LPP: variants seen among roughly 807,000 people sequenced by gnomAD.
The protein encoded by LPP is lipoma-preferred partner.
LPP carries 38 observed loss-of-function variants against 60.4 expected under a neutral mutation model. The observed-to-expected ratio is 0.63, with a 90% CI of 0.49 to 0.83. LPP has a LOEUF of 0.83. Ranked by LOEUF, LPP falls within the 40% of genes least tolerant of loss-of-function variation. The pLI, the probability that LPP is intolerant of heterozygous loss-of-function variation, is 0.00. For missense variants in LPP, 902 were observed against 783.6 expected, an observed-to-expected ratio of 1.15 and a Z score of -1.80; for synonymous variants, 328 against 290.8, an observed-to-expected ratio of 1.13 and a Z score of -1.30.
intron 7 of LPP, among the ~76,000 whole-genome samples, chr3:188,623,318 C>T (rs191543379): frequency 6.1e-5 from 9 of 147,682 alleles, no homozygotes; most frequent in Non-Finnish European, 1.2e-4. Context: ...GGTGCAGTGG[C>T]ACAATCTCAG....
At chr3:188,721,395 T>C (rs761676280) in intron 8 of LPP, among the ~76,000 whole-genome samples, 4 of 151,704 alleles carry the variant, frequency 2.6e-5, no homozygotes, top group Non-Finnish European at 5.9e-5. Flanking sequence ...CTACAAAAAA[T>C]GAAAAAAATA....
At chr3:188,493,145 A>T (rs1296206505) in intron 5 of LPP, among the ~76,000 whole-genome samples, 1 of 152,212 alleles carries the variant, frequency 6.6e-6, no homozygotes, top group Non-Finnish European at 1.5e-5. Context: ...TTGTATATCT[A>T]AAATGAGTTG....
intron 6 of LPP, among the ~76,000 whole-genome samples, chr3:188,579,057 A>G (rs1165048897): frequency 6.6e-6 from 1 of 152,188 alleles, no homozygotes; most frequent in Non-Finnish European, 1.5e-5. Flanking sequence ...GTGGGAGACT[A>G]AAAATAAACT....
intron 6 of LPP, among the ~76,000 whole-genome samples, chr3:188,565,561 T>C (rs1831934947): frequency 6.6e-6 from 1 of 152,008 alleles, no homozygotes; most frequent in African/African-American, 2.4e-5. Context: ...CGTGAGATAC[T>C]ATTAGACTTT....
intron 8 of LPP, among the ~76,000 whole-genome samples, chr3:188,718,206 C>A (rs933597143): frequency 6.6e-6 from 1 of 152,138 alleles, no homozygotes; most frequent in African/African-American, 2.4e-5. Flanking sequence ...CTAGGAAAAT[C>A]CTTCATTTTC....
In LPP at chr3:188,406,457, C is replaced by A. The variant is rs890924202; in HGVS notation, c.193+144C>A. ...ATAGGCTACTAAAAGTAAAGGAGCC[C>A]CCGGAAATAGTCTAGACCAACCCCG... is the stretch of plus-strand genomic sequence containing the variant. On this transcript the variant is annotated intron_variant, in intron 4 of 11. Transcript: ENST00000617246. 4.0e-6 allele frequency: 3 copies of A among 744,236 alleles called. No individual in the cohort carries two copies. The African/African-American group carries it at 5.3e-5, about 13-fold the overall frequency. The allele number at this position is 744,236 out of a possible 1,614,324, so 46.1% of individuals were successfully genotyped here. A position where few individuals can be genotyped will look rare whatever the true frequency, so the allele number is the denominator to read the frequency against.
chr3:188,698,025 TTGATAG>T (rs1277746478), intron 7 of LPP, among the ~76,000 whole-genome samples: 1 of 152,210 alleles, frequency 6.6e-6, no homozygotes, highest in Non-Finnish European at 1.5e-5. Context: ...TGCCGTCTTT[TTGATAG>T]TGCTTTATTA....
At chr3:188,300,383 T>C (rs1255174937) in intron 2 of LPP, among the ~76,000 whole-genome samples, 2 of 152,242 alleles carry the variant, frequency 1.3e-5, no homozygotes, top group African/African-American at 4.8e-5. Context: ...GTGACTATTG[T>C]TTCCATAATT....
At chr3:188,792,598 G>GT (rs58093167) in intron 9 of LPP, among the ~76,000 whole-genome samples, 2,342 of 152,184 alleles carry the variant, frequency 0.015, 61 homozygotes, top group African/African-American at 0.052. Context: ...AAAGCCCACA[G>GT]TTTTTTTGTT....
chr3:188,785,751 G>T lies in LPP; in HGVS notation c.1410+25469G>T, dbSNP rs116218497. Among the ~76,000 whole-genome samples, 1,244 of 151,770 alleles carry T rather than the reference G, an allele frequency of 8.2e-3. 16 individuals carry two copies. Among genetic ancestry groups the T allele is most frequent in the African/African-American group, 0.029 (1,181 of 41,370 alleles). ...TAGTGGGATTGCTGGATTAAATGGT[G>T]GTTCTACTTTTAGTTCATTAAGGAA... On this transcript the variant is annotated intron_variant, in intron 9 of 11. Coordinates refer to ENST00000617246, the MANE Select transcript of LPP (RefSeq NM_001375462.1).
At chr3:188,729,261 G>C (rs1462402007) in intron 8 of LPP, among the ~76,000 whole-genome samples, 1 of 152,208 alleles carries the variant, frequency 6.6e-6, no homozygotes, top group Non-Finnish European at 1.5e-5. Flanking sequence ...TGAGTTGAGG[G>C]ACAAGTAGTG....
At chr3:188,240,904 G>C (rs1053984176) in intron 2 of LPP, among the ~76,000 whole-genome samples, 1 of 152,172 alleles carries the variant, frequency 6.6e-6, no homozygotes, top group African/African-American at 2.4e-5. Context: ...CGTGTGGAGA[G>C]CAAGGCCAGT....
chr3:188,331,576 C>A (rs1016265905), intron 2 of LPP, among the ~76,000 whole-genome samples: 5 of 152,114 alleles, frequency 3.3e-5, no homozygotes, highest in Admixed American at 2.6e-4. Context: ...AGCTCTAATT[C>A]CCCCATCTGC....
At chr3:188,351,623 A>G (rs1207638602) in intron 3 of LPP, among the ~76,000 whole-genome samples, 2 of 152,334 alleles carry the variant, frequency 1.3e-5, no homozygotes, top group Admixed American at 1.3e-4. Context: ...AGTCATCAAA[A>G]GCTAGAATTC....
intron 2 of LPP, among the ~76,000 whole-genome samples, chr3:188,289,627 C>T (rs966069083): frequency 6.6e-6 from 1 of 152,058 alleles, no homozygotes; most frequent in Non-Finnish European, 1.5e-5. Context: ...GCTGTGGTCT[C>T]CCTGTAAACA....
At chr3:188,773,840 AG>A (rs1372717292) in intron 9 of LPP, among the ~76,000 whole-genome samples, 1 of 152,060 alleles carries the variant, frequency 6.6e-6, no homozygotes, top group Non-Finnish European at 1.5e-5. Context: ...AACTAGTGGA[AG>A]GGGGCATAGG....
At chr3:188,437,455 T>G (rs1792615379) in intron 4 of LPP, among the ~76,000 whole-genome samples, 1 of 152,212 alleles carries the variant, frequency 6.6e-6, no homozygotes. Flanking sequence ...TCCACACACT[T>G]AAATATGTAC....
At chr3:188,785,905 AT>A (rs1269662154) in intron 9 of LPP, among the ~76,000 whole-genome samples, 1 of 151,006 alleles carries the variant, frequency 6.6e-6, no homozygotes, top group Non-Finnish European at 1.5e-5. Flanking sequence ...TTCTTTCTCA[AT>A]TTTCTCTTTA....
chr3:188,479,036 G>A (rs1421599999), intron 4 of LPP, among the ~76,000 whole-genome samples: 2 of 152,150 alleles, frequency 1.3e-5, no homozygotes, highest in Non-Finnish European at 2.9e-5. Context: ...ACAGGTGTGA[G>A]CCATGCACCC....
Sources: allele counts gnomAD v4.1 joint callset (sites outside exome capture counted in the v4.1 genomes callset), GRCh38; gene constraint gnomAD v4.1.1; transcripts MANE v1.5; gene names NCBI Gene and HGNC (gene_info 2026-07-23, HGNC 2026-07-21).